The following OR1A1 variants were observed in gnomAD, a reference collection of about 807,000 sequenced individuals.
OR1A1 encodes the protein olfactory receptor 1A1.
For missense variants in OR1A1, 391 were observed against 379.9 expected (o/e 1.03, Z -0.24); for synonymous variants, 145 against 147.8 (o/e 0.98, Z 0.13).
chr17:3,214,954 T>C (rs948620630), intron 3 of OR1A1: 19 of 152,218 alleles, frequency 1.2e-4, no homozygotes, highest in African/African-American at 4.6e-4. Context: ...CAGACTGTTT[T>C]AGTAGGATCT....
rs980564992 is a variant in OR1A1 at position 3,217,002 on chromosome 17, T to A, written c.*452T>A. The A allele has an allele frequency of 6.4e-6, 1 of 157,452 alleles. No homozygotes were observed. The highest frequency in any genetic ancestry group is 6.1e-5 in the Admixed American group (1 of 16,506). The allele number at this position is 157,452 out of a possible 1,614,324, so 9.8% of individuals were successfully genotyped here. ...GCAAGCCTCTGAGGGCAGGAGTTGT[T>A]TTTACACATCACTGTACCTTCCCAA... On this transcript the variant is annotated 3_prime_UTR_variant, in exon 4 of 4. Coordinates refer to ENST00000641732, the MANE Select transcript of OR1A1 (RefSeq NM_014565.3).
In OR1A1 at chr17:3,216,338, T is replaced by C; in HGVS notation, c.718T>C (p.Cys240Arg). 1.2e-6 allele frequency: 2 copies of C among 1,614,220 alleles called. No homozygotes were observed. Among genetic ancestry groups the C allele is most frequent in the Non-Finnish European group, 1.7e-6 (2 of 1,180,028 alleles). Residue 240 changes from cysteine (C) to arginine (R), a missense_variant, in exon 4 of 4, where the codon TGT becomes CGT. Physicochemically the swap from Cys to Arg is radical, Grantham distance 180. Coordinates refer to ENST00000641732, the MANE Select transcript of OR1A1 (RefSeq NM_014565.3). ...GGGCGTGCTCAAGGCCTTCTCCACC[T>C]GTGGTTCCCACCTCACGGTTGTCTC... ...TKGVLKAFSTCGSHLTVVSLY... is the reference protein window; with the variant it reads ...TKGVLKAFSTRGSHLTVVSLY...
Position 3,218,570 on chromosome 17 carries a change from C to G in OR1A1, c.*2020C>G, listed in dbSNP as rs1237870900. The stretch of plus-strand genomic sequence containing the variant: ...TGAAGAAAATGTGGCACATATACAC[C>G]ATGGAATACTACGCAGTCATAAAAA... On this transcript the variant is annotated 3_prime_UTR_variant, in exon 4 of 4. Transcript: ENST00000641732. 6.6e-6 allele frequency: 1 copy of G among 152,168 alleles called. No homozygotes were observed. The highest frequency in any genetic ancestry group is 6.5e-5 in the Admixed American group (1 of 15,274). 9.4% of individuals were successfully genotyped at this position (152,168 alleles called of 1,614,324 possible).
In OR1A1 at chr17:3,216,070, G is replaced by A. The variant is rs1236578239; in HGVS notation, c.450G>A (p.Val150=). 6.2e-7 allele frequency: 1 copy of A among 1,614,176 alleles called. No homozygotes were observed. The highest frequency in any genetic ancestry group is 1.1e-5 in the South Asian group (1 of 91,072). Reference sequence around the variant, plus strand: ...TCTGGCTTATTGCTGGGTCTTGGGTGATTGGAAATGCCAATGCCCTCCCCC... The same window carrying A: ...TCTGGCTTATTGCTGGGTCTTGGGTAATTGGAAATGCCAATGCCCTCCCCC... ...SCIWLIAGSW[V]IGNANALPHT... Residue 150 remains valine, a synonymous_variant, in exon 4 of 4, where the codon GTG becomes GTA. Coordinates refer to ENST00000641732, the MANE Select transcript of OR1A1 (RefSeq NM_014565.3).
At chr17:3,211,989 A>G (rs1482407327) in intron 2 of OR1A1, among the ~76,000 whole-genome samples, 1 of 90,386 alleles carries the variant, frequency 1.1e-5, no homozygotes, top group Admixed American at 9.9e-5. Context: ...GTGTTTAAGT[A>G]CAAGAATAGT....
intron 2 of OR1A1, among the ~76,000 whole-genome samples, chr17:3,209,206 C>T (rs1172044117): frequency 2.6e-5 from 4 of 152,134 alleles, no homozygotes; most frequent in Admixed American, 6.6e-5. Context: ...CCCCCCGAGT[C>T]CCCAAAGTCC....
chr17:3,209,148 A>G (rs989821157), intron 2 of OR1A1, 150 bp downstream of exon 2: 3 of 152,148 alleles, frequency 2.0e-5, no homozygotes, highest in South Asian at 2.1e-4. Context: ...AGCAGTATAC[A>G]CTGCACCATA....
In OR1A1 at chr17:3,216,049, G is replaced by A. The variant is rs766689481; in HGVS notation, c.429G>A (p.Trp143Ter). 1.9e-6 allele frequency: 3 copies of A among 1,613,992 alleles called. No individual in the cohort carries two copies. The African/African-American group carries it at 4.0e-5, about 22-fold the overall frequency. Residue 143 changes from tryptophan to a stop codon, truncating the protein, a stop_gained, in exon 4 of 4, where the codon TGG (tryptophan) becomes TGA (stop). Coordinates refer to ENST00000641732, the MANE Select transcript of OR1A1 (RefSeq NM_014565.3). LOFTEE classifies it high-confidence loss of function. ...TTATGAGTCCACGGTCTTGTATCTG[G>A]CTTATTGCTGGGTCTTGGGTGATTG... ...TTIMSPRSCI[W>*]LIAGSWVIGN...
chr17:3,212,389 T>C (rs2048446767), intron 2 of OR1A1, 78 bp from the exon 3 acceptor site: 1 of 152,176 alleles, frequency 6.6e-6, no homozygotes, highest in South Asian at 2.1e-4. Flanking sequence ...ATTTCTTTCT[T>C]TTAGGTATGG....
intron 1 of OR1A1, among the ~76,000 whole-genome samples, 153 bp downstream of exon 1, chr17:3,208,153 A>C (rs150144594): frequency 7.2e-6 from 1 of 138,176 alleles, no homozygotes; most frequent in African/African-American, 2.5e-5. Flanking sequence ...CAAGAGAGAG[A>C]TAGAGATAGA....
intron 2 of OR1A1, among the ~76,000 whole-genome samples, 198 bp downstream of exon 2, chr17:3,209,196 C>A (rs1393660322): frequency 6.6e-6 from 1 of 151,844 alleles, no homozygotes; most frequent in African/African-American, 2.4e-5. Context: ...TCGCACTCTT[C>A]CCCCCGAGTC....
In OR1A1 at chr17:3,209,015, TTTC is replaced by T. The variant is rs2048427005; in HGVS notation, c.-139+20_-139+22del. 7.1e-6 allele frequency: 1 copy of T among 140,562 alleles called. No homozygotes were observed. The highest frequency in any genetic ancestry group is 2.5e-5 in the African/African-American group (1 of 40,510). The allele number at this position is 140,562 out of a possible 1,614,324, so 8.7% of individuals were successfully genotyped here. On this transcript the variant is annotated intron_variant, in intron 2 of 3. Coordinates refer to ENST00000641732, the MANE Select transcript of OR1A1 (RefSeq NM_014565.3). Reference sequence around the variant, plus strand: ...GAACATTAGGTATTTGCTCCAACTGTTTCTTTTTAATTTTTTTAAATTATTTTA... The same window carrying T: ...GAACATTAGGTATTTGCTCCAACTGTTTTTTAATTTTTTTAAATTATTTTA...
intron 2 of OR1A1, among the ~76,000 whole-genome samples, chr17:3,209,980 G>A (rs2048433372): frequency 6.6e-6 from 1 of 151,988 alleles, no homozygotes. Context: ...CCAGCAACTG[G>A]CTTTTTATCA....
intron 2 of OR1A1, among the ~76,000 whole-genome samples, chr17:3,212,256 T>C (rs2150596127): frequency 1.3e-5 from 2 of 152,316 alleles, no homozygotes; most frequent in East Asian, 3.9e-4. Flanking sequence ...AAAGACCTTA[T>C]ACCCAGCCAT....
At chr17:3,209,378 T>C (rs1005109598) in intron 2 of OR1A1, among the ~76,000 whole-genome samples, 3 of 152,164 alleles carry the variant, frequency 2.0e-5, no homozygotes, top group African/African-American at 7.2e-5. Flanking sequence ...ATTTCAATAC[T>C]TTGGGAGGCT....
chr17:3,215,643 C>T lies in OR1A1; in HGVS notation c.23C>T (p.Ser8Phe). 6.2e-7 allele frequency: 1 copy of T among 1,613,754 alleles called. No homozygotes were observed. Among genetic ancestry groups the T allele is most frequent in the East Asian group, 2.2e-5 (1 of 44,882 alleles). Residue 8 changes from serine to phenylalanine, a missense_variant, in exon 4 of 4, where the codon TCT (serine) becomes TTT (phenylalanine). By Grantham distance (155) the Ser-to-Phe change is radical (BLOSUM62 -2). Coordinates refer to ENST00000641732, the MANE Select transcript of OR1A1 (RefSeq NM_014565.3). ...GCCATGAGGGAAAATAACCAGTCCTCTACACTGGAATTCATCCTCCTGGGA... is the reference window on the plus strand; with the variant it reads ...GCCATGAGGGAAAATAACCAGTCCTTTACACTGGAATTCATCCTCCTGGGA... The part of the protein sequence containing the change: MRENNQS[S>F]TLEFILLGVT...
In OR1A1 at chr17:3,216,230, G is replaced by A. The variant is rs752944387; in HGVS notation, c.610G>A (p.Gly204Ser). The change falls in exon 4 of 4, where the codon GGC (glycine) becomes AGC (serine). Residue 204 changes from glycine to serine, a missense_variant. By Grantham distance (56) the Gly-to-Ser change is moderately conservative. Transcript: ENST00000641732. ...TGTGAAGATGATGTACCTAGGGGTTGGCATTTTCTCTGTGCCATTACTATG... is the reference window on the plus strand; with the variant it reads ...TGTGAAGATGATGTACCTAGGGGTTAGCATTTTCTCTGTGCCATTACTATG... ...FHVKMMYLGVGIFSVPLLCII... is the reference protein window; with the variant it reads ...FHVKMMYLGVSIFSVPLLCII... The A allele has an allele frequency of 1.9e-6, 3 of 1,613,998 alleles. No individual in the cohort carries two copies. In the African/African-American group the frequency reaches 4.0e-5, roughly 22 times the overall value.
Position 3,216,512 on chromosome 17 carries a change from G to C in OR1A1, c.892G>C (p.Ala298Pro). 6.2e-7 allele frequency: 1 copy of C among 1,613,626 alleles called. No homozygotes were observed. The highest frequency in any genetic ancestry group is 8.5e-7 in the Non-Finnish European group (1 of 1,179,704). ...TCTGAGAAATCGGGACATGAAGGCTGCCCTGCGGAAACTCTTCAACAAGAG... is the reference window on the plus strand; with the variant it reads ...TCTGAGAAATCGGGACATGAAGGCTCCCCTGCGGAAACTCTTCAACAAGAG... ...YSLRNRDMKA[A>P]LRKLFNKRIS... Residue 298 changes from alanine to proline, a missense_variant, in exon 4 of 4, where the codon GCC becomes CCC. Coordinates refer to ENST00000641732, the MANE Select transcript of OR1A1 (RefSeq NM_014565.3).
chr17:3,215,552 G>T (rs758793744), intron 3 of OR1A1, 64 bp from the exon 4 acceptor site: 93 of 1,169,222 alleles, frequency 8.0e-5, no homozygotes, highest in Non-Finnish European at 1.1e-4. Flanking sequence ...GATGGAGAAG[G>T]ATTATCACTA....
Sources: gnomAD v4.1 joint callset for allele counts (sites outside exome capture counted in the v4.1 genomes callset) on GRCh38, gnomAD v4.1.1 for gene constraint, MANE v1.5 for transcripts, NCBI Gene and HGNC (gene_info 2026-07-23, HGNC 2026-07-21) for gene names.